NEGR1: variants seen among roughly 807,000 people sequenced by gnomAD.
NEGR1 encodes neuronal growth regulator 1.
NEGR1 carries 10 observed loss-of-function variants against 40.9 expected under a neutral mutation model. The observed-to-expected ratio is 0.24, with a 90% confidence interval of 0.15 to 0.42. NEGR1 has a LOEUF of 0.42. Ranked by LOEUF, NEGR1 falls within the 10% of genes least tolerant of loss-of-function variation. The probability of loss-of-function intolerance (pLI) is 1.00; values close to 1 mark genes in which losing one functional copy is unlikely to be tolerated. For missense variants in NEGR1, 352 were observed against 438.9 expected (o/e 0.80, Z 1.77); for synonymous variants, 185 against 166.8 (o/e 1.11, Z -0.84).
rs144665911 is a variant in NEGR1, at chr1:72,139,339, A to G, written c.176+142980T>C. 3.0e-4 allele frequency among the ~76,000 whole-genome samples: 45 copies of G among 152,030 alleles called. No homozygotes were observed. The East Asian group carries it at 8.3e-3, about 28-fold the overall frequency. On this transcript the variant is annotated intron_variant, in intron 1 of 6. Coordinates refer to ENST00000357731, the MANE Select transcript of NEGR1 (RefSeq NM_173808.3). Reference sequence around the variant, plus strand: ...AGAAATCAATAAAATAGATAATAGAAAAAACAACAAACAAAAGTTAGTGAT... The same window carrying G: ...AGAAATCAATAAAATAGATAATAGAGAAAACAACAAACAAAAGTTAGTGAT...
chr1:72,228,902 C>A (rs1486176821), intron 1 of NEGR1, among the ~76,000 whole-genome samples: 1 of 152,046 alleles, frequency 6.6e-6, no homozygotes, highest in Non-Finnish European at 1.5e-5. Context: ...GACAAAAATT[C>A]ATTTTCCTAG....
intron 3 of NEGR1, among the ~76,000 whole-genome samples, chr1:71,763,414 G>A (rs1656015270): frequency 6.6e-6 from 1 of 152,166 alleles, no homozygotes; most frequent in Non-Finnish European, 1.5e-5. Flanking sequence ...AAAACTGGGT[G>A]AAGAGTACAT....
chr1:71,736,038 AG>A (rs1384179174), intron 3 of NEGR1, among the ~76,000 whole-genome samples: 52 of 152,214 alleles, frequency 3.4e-4, no homozygotes, highest in Non-Finnish European at 2.9e-5. Flanking sequence ...CAACCTCCCT[AG>A]ATTATTGTTT....
chr1:72,252,175 G>GGCTCACCACAACCTCCATCTCC (rs1655124700), intron 1 of NEGR1, among the ~76,000 whole-genome samples: 6 of 151,336 alleles, frequency 4.0e-5, no homozygotes, highest in African/African-American at 1.5e-4. Context: ...GGGCGATGTA[G>GGCTCACCACAACCTCCATCTCC]CTGGGATTAT....
intron 3 of NEGR1, among the ~76,000 whole-genome samples, chr1:71,704,136 A>G (rs1290682609): frequency 1.4e-4 from 21 of 149,318 alleles, no homozygotes; most frequent in Non-Finnish European, 1.5e-5. Context: ...GCCAAGAGAA[A>G]ATAGAATCTC....
chr1:71,584,666 C>G (rs1248957960), intron 6 of NEGR1, among the ~76,000 whole-genome samples: 1 of 152,128 alleles, frequency 6.6e-6, no homozygotes, highest in Admixed American at 6.6e-5. Context: ...ACAGGGAACA[C>G]AGTGCACGCT....
chr1:72,268,424 C>T (rs1057325373), intron 1 of NEGR1, among the ~76,000 whole-genome samples: 3 of 151,258 alleles, frequency 2.0e-5, no homozygotes, highest in African/African-American at 7.3e-5. Flanking sequence ...AGCAGAAATC[C>T]GCACGTAAGT....
At chr1:71,847,974 A>C (rs1659475809) in intron 2 of NEGR1, among the ~76,000 whole-genome samples, 1 of 152,210 alleles carries the variant, frequency 6.6e-6, no homozygotes, top group African/African-American at 2.4e-5. Context: ...GAATACACAA[A>C]TGATAAGAAA....
At chr1:72,036,394 A>G (rs1172036085) in intron 1 of NEGR1, among the ~76,000 whole-genome samples, 1 of 152,050 alleles carries the variant, frequency 6.6e-6, no homozygotes, top group African/African-American at 2.4e-5. Flanking sequence ...GTTGGCTCAC[A>G]CCCATAATCC....
intron 2 of NEGR1, among the ~76,000 whole-genome samples, chr1:71,909,901 TA>T (rs769369447): frequency 2.6e-5 from 4 of 152,328 alleles, no homozygotes; most frequent in Non-Finnish European, 5.9e-5. Context: ...TCATCAATTG[TA>T]GTTATGCATA....
chr1:71,421,571 C>T (rs1332958271), intron 6 of NEGR1: 2 of 151,994 alleles, frequency 1.3e-5, no homozygotes, highest in Non-Finnish European at 1.5e-5. Context: ...ATAAAATAAG[C>T]CACATTTAAA....
At chr1:71,915,616 C>T (rs1245172233) in intron 2 of NEGR1, among the ~76,000 whole-genome samples, 1 of 152,066 alleles carries the variant, frequency 6.6e-6, no homozygotes, top group Non-Finnish European at 1.5e-5. Context: ...TTCCCATAGA[C>T]TAAGGGTCTC....
intron 1 of NEGR1, among the ~76,000 whole-genome samples, chr1:72,094,281 T>C (rs942705614): frequency 2.0e-5 from 3 of 152,170 alleles, no homozygotes; most frequent in East Asian, 1.9e-4. Context: ...AACACATTTA[T>C]GTTTGGTGGG....
chr1:71,592,611 G>A (rs1015447303), intron 6 of NEGR1, among the ~76,000 whole-genome samples: 3 of 151,814 alleles, frequency 2.0e-5, no homozygotes, highest in Non-Finnish European at 2.9e-5. Flanking sequence ...AACACATGTC[G>A]ACTTCTACAG....
chr1:72,046,851 T>A lies in NEGR1; in HGVS notation c.177-111540A>T, dbSNP rs537422844. On this transcript the variant is annotated intron_variant, in intron 1 of 6. Transcript: ENST00000357731. ...GTATAAAAAATTAACACAGATAAGA[T>A]GATCAAAAGGTCTACAACAAGAAAC... Among the ~76,000 whole-genome samples the A allele has an allele frequency of 2.6e-5, 4 of 151,710 alleles. No individual in the cohort carries two copies. In the South Asian group the frequency reaches 8.3e-4, roughly 31 times the overall value.
intron 1 of NEGR1, among the ~76,000 whole-genome samples, chr1:72,031,081 T>C (rs766884388): frequency 6.6e-6 from 1 of 152,158 alleles, no homozygotes; most frequent in South Asian, 2.1e-4. Flanking sequence ...ACCCTGTTCA[T>C]TGAGAAGAAA....
At chr1:71,703,208 C>T (rs1048484133) in intron 3 of NEGR1, 12 of 151,972 alleles carry the variant, frequency 7.9e-5, no homozygotes, top group Non-Finnish European at 1.3e-4. Context: ...TTCCAAAAGG[C>T]TAATGCCTTA....
intron 6 of NEGR1, among the ~76,000 whole-genome samples, chr1:71,508,089 C>T (rs1011547889): frequency 8.5e-5 from 13 of 152,096 alleles, no homozygotes; most frequent in Non-Finnish European, 1.5e-5. Context: ...CCCATATCCT[C>T]CACCCTGTCA....
chr1:71,884,135 C>T (rs1660659806), intron 2 of NEGR1, among the ~76,000 whole-genome samples: 1 of 152,104 alleles, frequency 6.6e-6, no homozygotes, highest in South Asian at 2.1e-4. Flanking sequence ...AGCAGTTCAG[C>T]TCATTCCCTC....
Sources: allele counts gnomAD v4.1 joint callset (sites outside exome capture counted in the v4.1 genomes callset), GRCh38; gene constraint gnomAD v4.1.1; transcripts MANE v1.5; gene names NCBI Gene and HGNC (gene_info 2026-07-23, HGNC 2026-07-21).